Variants in ZPBP observed in about 807,000 individuals in gnomAD.
The protein encoded by ZPBP is zona pellucida-binding protein 1.
A neutral mutation model predicts 44.8 loss-of-function variants in ZPBP; 26 were observed. The ratio of observed to expected loss-of-function variants is 0.58; its 90% CI spans 0.43 to 0.81. The LOEUF is 0.81. Among genes scored for constraint, ZPBP ranks in the 30% least tolerant of loss-of-function variants. The pLI is 0.00. For missense variants in ZPBP, 409 were observed against 434.0 expected, an observed-to-expected ratio of 0.94 and a Z score of 0.51; for synonymous variants, 174 against 153.2, an observed-to-expected ratio of 1.14 and a Z score of -1.00.
intron 7 of ZPBP, among the ~76,000 whole-genome samples, chr7:49,971,760 T>C (rs1179922140): frequency 6.6e-6 from 1 of 152,088 alleles, no homozygotes; most frequent in Non-Finnish European, 1.5e-5. Flanking sequence ...ATGAGGCCAA[T>C]ATGATCATGA....
chr7:50,067,198 T>A (rs1164007170), intron 3 of ZPBP, among the ~76,000 whole-genome samples: 3 of 152,184 alleles, frequency 2.0e-5, no homozygotes, highest in Non-Finnish European at 4.4e-5. Context: ...ACGTTTGCCT[T>A]TCCCTTTTTT....
intron 4 of ZPBP, among the ~76,000 whole-genome samples, chr7:50,041,434 C>T (rs550049841): frequency 7.2e-5 from 11 of 152,292 alleles, no homozygotes; most frequent in Middle Eastern, 3.4e-3. Context: ...GGCAGGTGCC[C>T]TCTGTGATGA....
At chr7:50,047,696 C>T (rs536008062) in intron 4 of ZPBP, among the ~76,000 whole-genome samples, 21 of 151,464 alleles carry the variant, frequency 1.4e-4, no homozygotes, top group Non-Finnish European at 2.5e-4. Flanking sequence ...TGGCTACAAC[C>T]GCTGCTTGAA....
At chr7:49,994,755 C>T (rs6583408) in intron 6 of ZPBP, among the ~76,000 whole-genome samples, 76,872 of 152,052 alleles carry the variant, frequency 0.51, 20,290 homozygotes, top group East Asian at 0.69. Context: ...GCCACTGATA[C>T]TTCAACCACC....
At chr7:49,897,843 C>T (rs1413431741) in intron 2 of ZPBP, among the ~76,000 whole-genome samples, 2 of 152,216 alleles carry the variant, frequency 1.3e-5, no homozygotes, top group Non-Finnish European at 2.9e-5. Flanking sequence ...ACAGTTCCCA[C>T]ACTTTGAGTT....
At chr7:50,051,123 A>C (rs1800673310) in intron 4 of ZPBP, among the ~76,000 whole-genome samples, 2 of 152,210 alleles carry the variant, frequency 1.3e-5, no homozygotes, top group South Asian at 4.1e-4. Context: ...AAGTGGGCAA[A>C]GGACATGAAC....
intron 4 of ZPBP, among the ~76,000 whole-genome samples, chr7:50,049,181 C>T (rs994619067): frequency 6.6e-6 from 1 of 151,938 alleles, no homozygotes; most frequent in Non-Finnish European, 1.5e-5. Context: ...AATCAAAAAA[C>T]TACCTATGAA....
chr7:49,876,865 G>T (rs141952467), intron 2 of ZPBP, among the ~76,000 whole-genome samples: 4 of 151,650 alleles, frequency 2.6e-5, no homozygotes. Flanking sequence ...ATGACACAAC[G>T]CACCGAGATG....
chr7:49,843,009 C>T, the ZPBP span, among the ~76,000 whole-genome samples: 1 of 152,118 alleles, frequency 6.6e-6, no homozygotes, highest in African/African-American at 2.4e-5. Flanking sequence ...AGCTCATGAA[C>T]TCTGAGCATA....
intron 1 of ZPBP, among the ~76,000 whole-genome samples, chr7:49,911,123 G>A (rs917210483): frequency 5.3e-5 from 8 of 152,076 alleles, no homozygotes; most frequent in Admixed American, 2.0e-4. Context: ...TTAATTAAAC[G>A]AAATGGCTGC....
At chr7:50,026,272 A>G (rs879909411) in intron 5 of ZPBP, among the ~76,000 whole-genome samples, 7 of 39,156 alleles carry the variant, frequency 1.8e-4, no homozygotes, top group Admixed American at 1.3e-3. Context: ...ATAGGCCTCT[A>G]ACAACAGAGT....
chr7:50,092,166 C>T (rs1034869116), intron 1 of ZPBP, among the ~76,000 whole-genome samples: 1 of 152,084 alleles, frequency 6.6e-6, no homozygotes, highest in Non-Finnish European at 1.5e-5. Context: ...AAATAAAAAC[C>T]CTTTCACACC....
chr7:50,020,219 T>C (rs1330815391), intron 5 of ZPBP, among the ~76,000 whole-genome samples: 2 of 152,042 alleles, frequency 1.3e-5, no homozygotes, highest in Non-Finnish European at 2.9e-5. Flanking sequence ...CATAAAATGA[T>C]TATGAGATTG....
chr7:49,927,834 CT>C (rs1453017250), intron 1 of ZPBP, among the ~76,000 whole-genome samples: 3 of 152,202 alleles, frequency 2.0e-5, no homozygotes, highest in African/African-American at 7.2e-5. Context: ...GTCAGTAGCA[CT>C]GCTGTGAAGA....
chr7:49,862,257 AT>A (rs1790679569), intron 2 of ZPBP, among the ~76,000 whole-genome samples: 1 of 152,042 alleles, frequency 6.6e-6, no homozygotes, highest in Non-Finnish European at 1.5e-5. Flanking sequence ...GCTCTCTTAA[AT>A]TTCTTTTCAA....
intron 3 of ZPBP, among the ~76,000 whole-genome samples, chr7:50,078,014 A>T (rs1046133270): frequency 2.0e-5 from 3 of 151,892 alleles, no homozygotes; most frequent in Admixed American, 1.3e-4. Context: ...AGATGAATGG[A>T]TAAAGAAAAT....
chr7:50,009,928 T>C (rs142098841), intron 6 of ZPBP, among the ~76,000 whole-genome samples: 5 of 152,128 alleles, frequency 3.3e-5, no homozygotes, highest in African/African-American at 1.2e-4. Context: ...TACAAACTTA[T>C]TAAAACACAT....
At chr7:49,947,408 T>A (rs1795146629) in intron 7 of ZPBP, among the ~76,000 whole-genome samples, 1 of 152,172 alleles carries the variant, frequency 6.6e-6, no homozygotes, top group African/African-American at 2.4e-5. Flanking sequence ...TGCAGCTATA[T>A]CTGCATTAGG....
chr7:49,889,298 G>A (rs1478019261), intron 2 of ZPBP, among the ~76,000 whole-genome samples: 2 of 152,228 alleles, frequency 1.3e-5, no homozygotes, highest in Non-Finnish European at 2.9e-5. Context: ...CTTCTATTGT[G>A]AAGGTTAAAC....
Sources: allele counts gnomAD v4.1 joint callset (sites outside exome capture counted in the v4.1 genomes callset), GRCh38; gene constraint gnomAD v4.1.1; transcripts MANE v1.5; gene names NCBI Gene and HGNC (gene_info 2026-07-23, HGNC 2026-07-21).